Variants in ARHGAP24 observed in about 807,000 individuals in gnomAD.
The protein encoded by ARHGAP24 is rho GTPase-activating protein 24.
ARHGAP24 carries 50 observed loss-of-function variants against 76.4 expected under a neutral mutation model. That is an observed-to-expected ratio of 0.65 (90% CI 0.52 to 0.83). The LOEUF is 0.83. ARHGAP24 is among the 40% of genes least tolerant of loss of function. ARHGAP24 has a pLI of 0.00. For synonymous variants in ARHGAP24, 345 were observed against 323.3 expected, an observed-to-expected ratio of 1.07 and a Z score of -0.72; for missense variants, 930 against 914.2, an observed-to-expected ratio of 1.02 and a Z score of -0.22.
intron 3 of ARHGAP24, among the ~76,000 whole-genome samples, chr4:85,830,583 T>A (rs1729943256): frequency 6.6e-6 from 1 of 152,216 alleles, no homozygotes; most frequent in South Asian, 2.1e-4. Context: ...GTATGTCTCT[T>A]TACCTTGGCC....
At chr4:85,585,866 G>A (rs898446518) in intron 2 of ARHGAP24, among the ~76,000 whole-genome samples, 1 of 152,144 alleles carries the variant, frequency 6.6e-6, no homozygotes, top group Non-Finnish European at 1.5e-5. Context: ...GAAGGGAAAA[G>A]TGCCAATTAT....
intron 3 of ARHGAP24, among the ~76,000 whole-genome samples, chr4:85,854,150 A>AG (rs1418381246): frequency 6.6e-6 from 1 of 151,422 alleles, no homozygotes; most frequent in African/African-American, 2.4e-5. Context: ...AAAAAAAAAA[A>AG]AAAAAGAAAA....
chr4:85,630,700 C>T (rs1273132215), intron 2 of ARHGAP24, among the ~76,000 whole-genome samples: 1 of 151,746 alleles, frequency 6.6e-6, no homozygotes, highest in Non-Finnish European at 1.5e-5. Flanking sequence ...TTTTCTAATA[C>T]TCTATCTAAC....
intron 3 of ARHGAP24, among the ~76,000 whole-genome samples, chr4:85,820,696 A>G (rs1341735730): frequency 6.6e-6 from 1 of 152,192 alleles, no homozygotes; most frequent in Non-Finnish European, 1.5e-5. Flanking sequence ...ATACAGTGAC[A>G]CTGAGGAGTT....
intron 2 of ARHGAP24, among the ~76,000 whole-genome samples, chr4:85,620,445 G>A (rs945365550): frequency 6.6e-6 from 1 of 151,760 alleles, no homozygotes; most frequent in African/African-American, 2.4e-5. Flanking sequence ...GTGTATAATT[G>A]TTCATAGTTG....
Position 85,994,940 on chromosome 4 carries a change from GT to G in ARHGAP24, c.1287del (p.Ser430ValfsTer3), listed in dbSNP as rs1740561053. 1 of 1,613,938 alleles carries G rather than the reference GT, an allele frequency of 6.2e-7. No homozygotes were observed. The highest frequency in any genetic ancestry group is 1.3e-5 in the African/African-American group (1 of 74,858). On this transcript the variant is annotated frameshift_variant, in exon 9 of 10. Coordinates refer to ENST00000395184, the MANE Select transcript of ARHGAP24 (RefSeq NM_001025616.3). LOFTEE classifies it high-confidence loss of function. ...MVKKNPAFNK[G>X]SGIVTNGSFS... Reference sequence around the variant, plus strand: ...AAAAAGAACCCAGCCTTTAATAAGGGTAGTGGGATAGTTACCAATGGGTCCT... The same window carrying G: ...AAAAAGAACCCAGCCTTTAATAAGGGAGTGGGATAGTTACCAATGGGTCCT...
In ARHGAP24 at chr4:85,505,597, CTGTT is replaced by C. The variant is rs754349859; in HGVS notation, c.-21+30043_-21+30046del. On this transcript the variant is annotated intron_variant, in intron 1 of 9. Coordinates refer to ENST00000395184, the MANE Select transcript of ARHGAP24 (RefSeq NM_001025616.3). Reference sequence around the variant, plus strand: ...CAGGTCATTTAAGGTCTTCTCTACACTGTTTGTTCCAGTTAGCCATTTGTCTAAC... The same window carrying C: ...CAGGTCATTTAAGGTCTTCTCTACACTGTTCCAGTTAGCCATTTGTCTAAC... Among the ~76,000 whole-genome samples the C allele has an allele frequency of 5.3e-5, 8 of 152,218 alleles. No homozygotes were observed. The South Asian group carries it at 6.2e-4, about 12-fold the overall frequency.
intron 2 of ARHGAP24, among the ~76,000 whole-genome samples, chr4:85,668,028 G>T (rs2109999201): frequency 6.6e-6 from 1 of 152,278 alleles, no homozygotes; most frequent in Admixed American, 6.5e-5. Flanking sequence ...TGTAAATGTA[G>T]AAAAGTTAGA....
chr4:85,557,652 G>A (rs935783893), intron 1 of ARHGAP24, among the ~76,000 whole-genome samples: 4 of 75,162 alleles, frequency 5.3e-5, no homozygotes, highest in Non-Finnish European at 1.3e-4. Context: ...TGAAGAGCTA[G>A]TGTCAACCCA....
chr4:85,808,035 A>G (rs559341343), intron 3 of ARHGAP24, among the ~76,000 whole-genome samples: 1 of 152,262 alleles, frequency 6.6e-6, no homozygotes, highest in South Asian at 2.1e-4. Flanking sequence ...TCACTCTAAT[A>G]CATGTTTTTA....
At chr4:85,678,365 G>A (rs72972838) in intron 2 of ARHGAP24, among the ~76,000 whole-genome samples, 9,399 of 152,120 alleles carry the variant, frequency 0.062, 939 homozygotes, top group African/African-American at 0.21. Flanking sequence ...GCAAGACTCT[G>A]TCTCTAAAAC....
chr4:85,775,952 G>T (rs781267456), intron 3 of ARHGAP24, among the ~76,000 whole-genome samples: 6 of 152,180 alleles, frequency 3.9e-5, no homozygotes, highest in Non-Finnish European at 8.8e-5. Context: ...GATGATTCTG[G>T]TTCTCTGAGG....
At chr4:85,675,155 G>C (rs1578131088) in intron 2 of ARHGAP24, among the ~76,000 whole-genome samples, 1 of 152,186 alleles carries the variant, frequency 6.6e-6, no homozygotes, top group East Asian at 1.9e-4. Flanking sequence ...CCTAAAGGCT[G>C]CATGTAGCAG....
At chr4:85,813,209 A>G (rs1426534572) in intron 3 of ARHGAP24, among the ~76,000 whole-genome samples, 1 of 152,220 alleles carries the variant, frequency 6.6e-6, no homozygotes, top group Non-Finnish European at 1.5e-5. Flanking sequence ...TAACTACCTT[A>G]GTATACCTCA....
At position 85,695,559 on chromosome 4, in the gene ARHGAP24, T is replaced by A. The variant is rs552559888; in HGVS notation, c.181-26326T>A. On this transcript the variant is annotated intron_variant, in intron 2 of 9. Coordinates refer to ENST00000395184, the MANE Select transcript of ARHGAP24 (RefSeq NM_001025616.3). Reference sequence around the variant, plus strand: ...CTGGCAACCCCATTGTCATAGCAAATGTGATTATCAATGAAGGATTTGTAC... The same window carrying A: ...CTGGCAACCCCATTGTCATAGCAAAAGTGATTATCAATGAAGGATTTGTAC... Among the ~76,000 whole-genome samples the A allele has an allele frequency of 4.6e-5, 7 of 152,294 alleles. No homozygotes were observed. The East Asian group carries it at 1.3e-3, about 29-fold the overall frequency.
At chr4:85,860,804 C>G (rs1210476272) in intron 3 of ARHGAP24, among the ~76,000 whole-genome samples, 7 of 151,936 alleles carry the variant, frequency 4.6e-5, no homozygotes, top group Non-Finnish European at 8.8e-5. Context: ...TCCTACTCAT[C>G]ATATTTTGTG....
chr4:85,491,506 T>G (rs1723355040), intron 1 of ARHGAP24, among the ~76,000 whole-genome samples: 2 of 152,162 alleles, frequency 1.3e-5, no homozygotes. Flanking sequence ...AACTTGGACA[T>G]TATCCAGAAA....
intron 2 of ARHGAP24, among the ~76,000 whole-genome samples, chr4:85,670,881 A>G (rs552236453): frequency 2.6e-5 from 4 of 152,286 alleles, no homozygotes; most frequent in African/African-American, 9.6e-5. Context: ...AAACAGGGAC[A>G]TGGGCCATGA....
chr4:85,744,555 AG>A (rs1332631824), intron 3 of ARHGAP24, among the ~76,000 whole-genome samples: 1 of 152,176 alleles, frequency 6.6e-6, no homozygotes, highest in African/African-American at 2.4e-5. Context: ...CCAGTGTTTA[AG>A]GAGAGAGAAA....
Sources: allele counts gnomAD v4.1 joint callset (sites outside exome capture counted in the v4.1 genomes callset), GRCh38; gene constraint gnomAD v4.1.1; transcripts MANE v1.5; gene names NCBI Gene and HGNC (gene_info 2026-07-23, HGNC 2026-07-21).